The following PAAF1 variants were observed in gnomAD, a reference collection of about 807,000 sequenced individuals.
The protein encoded by PAAF1 is proteasomal ATPase-associated factor 1.
PAAF1 carries 46 observed loss-of-function variants against 52.8 expected under a neutral mutation model. The ratio of observed to expected loss-of-function variants is 0.87; its 90% CI spans 0.69 to 1.11. The LOEUF is 1.11. Among genes scored for constraint, PAAF1 ranks in the 50% most tolerant of loss-of-function variants. The pLI is 0.00. For synonymous variants in PAAF1, 178 were observed against 172.8 expected (o/e 1.03, Z -0.24); for missense variants, 424 against 477.4 (o/e 0.89, Z 1.04).
At chr11:73,887,000 A>T in intron 2 of PAAF1, 2 of 450,760 alleles carry the variant, frequency 4.4e-6, no homozygotes, top group South Asian at 3.2e-5. Context: ...ATCTCTGCAT[A>T]CACTGGCTCC....
At chr11:73,906,834 A>C (rs1170327483) in intron 6 of PAAF1, among the ~76,000 whole-genome samples, 2 of 152,224 alleles carry the variant, frequency 1.3e-5, no homozygotes, top group Non-Finnish European at 2.9e-5. Context: ...ATTTCATTTT[A>C]AGAGGAAAGA....
At chr11:73,886,831 G>T (rs768391310) in intron 2 of PAAF1, 206 of 253,258 alleles carry the variant, frequency 8.1e-4, no homozygotes, top group Non-Finnish European at 1.4e-3. Context: ...CTAATGGGGG[G>T]TGTTTGGGTC....
chr11:73,886,666 C>A (rs1022263514), intron 2 of PAAF1, among the ~76,000 whole-genome samples: 1 of 118,686 alleles, frequency 8.4e-6, no homozygotes, highest in African/African-American at 3.5e-5. Flanking sequence ...GAGCAAGACT[C>A]CATCTCAAAA....
At chr11:73,921,299 CA>C (rs35623031) in intron 10 of PAAF1, among the ~76,000 whole-genome samples, 53,491 of 123,062 alleles carry the variant, frequency 0.43, 10,947 homozygotes, top group African/African-American at 0.63. Context: ...GACTGCCTCG[CA>C]AAAAAAAAAA....
At chr11:73,892,607 T>C (rs1036533038) in intron 4 of PAAF1, among the ~76,000 whole-genome samples, 1 of 152,208 alleles carries the variant, frequency 6.6e-6, no homozygotes, top group Non-Finnish European at 1.5e-5. Context: ...CCTTAAATAT[T>C]TTACCAAAAT....
At chr11:73,913,860 T>C (rs2135211564) in intron 7 of PAAF1, among the ~76,000 whole-genome samples, 1 of 152,332 alleles carries the variant, frequency 6.6e-6, no homozygotes, top group Admixed American at 6.5e-5. Context: ...GTGTGGTGTC[T>C]TATCATGGTA....
intron 7 of PAAF1, among the ~76,000 whole-genome samples, chr11:73,912,227 T>C (rs1949953040): frequency 6.6e-6 from 1 of 152,208 alleles, no homozygotes; most frequent in Non-Finnish European, 1.5e-5. Context: ...GTTCTATAGC[T>C]ATCATTCCAA....
chr11:73,905,828 A>G (rs917156174), intron 6 of PAAF1, among the ~76,000 whole-genome samples: 2 of 152,154 alleles, frequency 1.3e-5, no homozygotes, highest in Non-Finnish European at 2.9e-5. Flanking sequence ...CATACTTTTC[A>G]GAATTTTTTT....
intron 7 of PAAF1, among the ~76,000 whole-genome samples, chr11:73,914,022 C>T (rs1023218512): frequency 6.6e-6 from 1 of 152,094 alleles, no homozygotes; most frequent in Admixed American, 6.6e-5. Context: ...TGAATGGCCC[C>T]TGCACTCCAG....
chr11:73,918,452 TCTCA>T (rs1950129756), intron 9 of PAAF1, among the ~76,000 whole-genome samples: 2 of 148,464 alleles, frequency 1.3e-5, no homozygotes, highest in African/African-American at 4.9e-5. Flanking sequence ...TTAAATTGAT[TCTCA>T]CTCAGCTTTC....
At chr11:73,897,742 C>T (rs1196181198) in intron 4 of PAAF1, among the ~76,000 whole-genome samples, 3 of 151,964 alleles carry the variant, frequency 2.0e-5, no homozygotes, top group South Asian at 2.1e-4. Context: ...AGAAGATGGG[C>T]GGCCAGGCAG....
rs1043661623 is a variant in PAAF1 at position 73,877,180 on chromosome 11, C to G, written c.47+112C>G. 4 of 1,142,244 alleles carry G rather than the reference C, an allele frequency of 3.5e-6. No homozygotes were observed. In the African/African-American group the frequency reaches 6.4e-5, roughly 18 times the overall value. 70.8% of individuals were successfully genotyped at this position (1,142,244 alleles called of 1,614,324 possible). On this transcript the variant is annotated intron_variant, in intron 1 of 11. Coordinates refer to ENST00000310571, the MANE Select transcript of PAAF1 (RefSeq NM_025155.3). ...CAATAGGGGTTACTTCGTCAATTGT[C>G]GAGGGATATGGAGGGAACAGGGTCC...
rs371043533 is a variant in PAAF1, at chr11:73,917,517, T to C, written c.935+857T>C. Among the ~76,000 whole-genome samples, 4 of 152,230 alleles carry C rather than the reference T, an allele frequency of 2.6e-5. No homozygotes were observed. In the East Asian group the frequency reaches 5.8e-4, roughly 22 times the overall value. ...CCTTCCTTTTTTCAACTGATATTTA[T>C]TGAAAATAGCTTCTGTGGGCATCAG... is the stretch of plus-strand genomic sequence containing the variant. On this transcript the variant is annotated intron_variant, in intron 9 of 11. Coordinates refer to ENST00000310571, the MANE Select transcript of PAAF1 (RefSeq NM_025155.3).
chr11:73,898,438 A>C (rs1295712281), intron 4 of PAAF1, among the ~76,000 whole-genome samples: 1 of 151,824 alleles, frequency 6.6e-6, no homozygotes, highest in Non-Finnish European at 1.5e-5. Context: ...CTGGTCTCGA[A>C]CTCCTGGGCT....
intron 6 of PAAF1, among the ~76,000 whole-genome samples, chr11:73,906,354 G>A (rs943236995): frequency 6.6e-6 from 1 of 152,168 alleles, no homozygotes; most frequent in Non-Finnish European, 1.5e-5. Flanking sequence ...TCGGGTTCAA[G>A]TGATTCTTGT....
chr11:73,918,916 A>G (rs749975168), intron 9 of PAAF1, 34 bp from the exon 10 acceptor site: 3 of 1,563,104 alleles, frequency 1.9e-6, no homozygotes, highest in South Asian at 1.1e-5. Context: ...TTTTGAAGAA[A>G]GAAAGTAAAA....
At position 73,928,849 on chromosome 11, in the gene PAAF1, G is replaced by A. The variant is rs541266228; in HGVS notation, c.*1487G>A. The A allele has an allele frequency of 6.6e-6, 1 of 152,294 alleles. No individual in the cohort carries two copies. The highest frequency in any genetic ancestry group is 2.4e-5 in the African/African-American group (1 of 41,534). The allele number at this position is 152,294 out of a possible 1,614,324, so 9.4% of individuals were successfully genotyped here. A position where few individuals can be genotyped will look rare whatever the true frequency, so the allele number is the denominator to read the frequency against. ...TCCTGCCTCAGCCTCCCTAGTAGCT[G>A]GGACTGCAGGCATGCACCACCATGC... On this transcript the variant is annotated 3_prime_UTR_variant, in exon 12 of 12. Transcript: ENST00000310571.
At chr11:73,878,643 G>C (rs556234921) in intron 1 of PAAF1, 136 bp from the exon 2 acceptor site, 3 of 640,014 alleles carry the variant, frequency 4.7e-6, no homozygotes, top group Non-Finnish European at 8.4e-6. Flanking sequence ...ATCTATACTC[G>C]ATGAGAGGTT....
At position 73,927,414 on chromosome 11, in the gene PAAF1, A is replaced by C. The variant is rs1365318213; in HGVS notation, c.*52A>C. 1.4e-6 allele frequency: 2 copies of C among 1,424,324 alleles called. No individual in the cohort carries two copies. Among genetic ancestry groups the C allele is most frequent in the African/African-American group, 1.4e-5 (1 of 71,014 alleles). The allele number at this position is 1,424,324 out of a possible 1,614,324, so 88.2% of individuals were successfully genotyped here. On this transcript the variant is annotated 3_prime_UTR_variant, in exon 12 of 12. Transcript: ENST00000310571. ...GTGAAAAGGTTTGACCCTGATCAAC[A>C]ATGAGCAGAAACATCATCAGTCCTT...
Sources: allele counts gnomAD v4.1 joint callset (sites outside exome capture counted in the v4.1 genomes callset), GRCh38; gene constraint gnomAD v4.1.1; transcripts MANE v1.5; gene names NCBI Gene and HGNC (gene_info 2026-07-23, HGNC 2026-07-21).